The following C12orf75 variants were observed in gnomAD, a reference collection of about 807,000 sequenced individuals.
The protein encoded by C12orf75 is overexpressed in colon carcinoma 1 protein.
Under a neutral mutation model 11.4 loss-of-function variants are expected in C12orf75, and 4 were observed. The observed-to-expected ratio is 0.35, with a 90% CI of 0.17 to 0.80. C12orf75 has a LOEUF of 0.80. Among genes scored for constraint, C12orf75 ranks in the 30% least tolerant of loss-of-function variants. The probability of loss-of-function intolerance (pLI) is 0.52; values close to 1 mark genes in which losing one functional copy is unlikely to be tolerated. For synonymous variants in C12orf75, 30 were observed against 30.0 expected, an observed-to-expected ratio of 1.00 and a Z score of 0.00; for missense variants, 89 against 80.4, an observed-to-expected ratio of 1.11 and a Z score of -0.41.
rs567893864 is a variant in C12orf75, at chr12:105,342,277, G to A, written c.47-6325G>A. On this transcript the variant is annotated intron_variant, in intron 1 of 5. Coordinates refer to ENST00000443585, the MANE Select transcript of C12orf75 (RefSeq NM_001145199.2). The stretch of plus-strand genomic sequence containing the variant: ...GTGTTTAATCATAAATAAACTGGGG[G>A]ACGAATGGAATGGGTTGGTTATTGA... Among the ~76,000 whole-genome samples, 3 of 152,080 alleles carry A rather than the reference G, an allele frequency of 2.0e-5. No homozygotes were observed. The East Asian group carries it at 5.8e-4, about 29-fold the overall frequency.
intron 1 of C12orf75, among the ~76,000 whole-genome samples, chr12:105,342,591 A>G (rs1000498995): frequency 5.9e-5 from 9 of 152,212 alleles, no homozygotes; most frequent in East Asian, 1.9e-4. Context: ...GATTAACTCA[A>G]TCTCCAGCCT....
intron 2 of C12orf75, among the ~76,000 whole-genome samples, chr12:105,364,178 C>G (rs941570134): frequency 7.9e-5 from 12 of 152,196 alleles, no homozygotes; most frequent in Admixed American, 4.6e-4. Context: ...CTTATCAGAA[C>G]TTACCTTGAA....
intron 2 of C12orf75, among the ~76,000 whole-genome samples, chr12:105,364,610 T>C (rs748082891): frequency 2.0e-5 from 3 of 152,194 alleles, no homozygotes; most frequent in Non-Finnish European, 2.9e-5. Flanking sequence ...AGTTAGACAA[T>C]CTCTGAATCA....
intron 2 of C12orf75, among the ~76,000 whole-genome samples, chr12:105,354,567 T>A (rs1267822228): frequency 2.6e-5 from 4 of 152,180 alleles, no homozygotes; most frequent in African/African-American, 9.6e-5. Context: ...TTGCCCCCGG[T>A]GAATGACAGC....
intron 1 of C12orf75, among the ~76,000 whole-genome samples, chr12:105,333,374 A>G (rs536917552): frequency 3.9e-5 from 6 of 152,378 alleles, no homozygotes; most frequent in African/African-American, 1.4e-4. Flanking sequence ...CGTCAATTGC[A>G]CTGTTGACCA....
At chr12:105,345,841 T>A (rs1418835351) in intron 1 of C12orf75, among the ~76,000 whole-genome samples, 1 of 151,610 alleles carries the variant, frequency 6.6e-6, no homozygotes, top group African/African-American at 2.4e-5. Flanking sequence ...GTATTTTTTT[T>A]TTAGTAGAGA....
intron 1 of C12orf75, among the ~76,000 whole-genome samples, chr12:105,335,369 A>G (rs1398364107): frequency 6.6e-6 from 1 of 152,246 alleles, no homozygotes; most frequent in Non-Finnish European, 1.5e-5. Flanking sequence ...TCTGTTTAGC[A>G]ATAGTGCAAG....
intron 1 of C12orf75, among the ~76,000 whole-genome samples, chr12:105,334,788 C>T (rs1892480196): frequency 6.6e-6 from 1 of 152,214 alleles, no homozygotes; most frequent in Non-Finnish European, 1.5e-5. Context: ...AATGACCAAC[C>T]TTGCATTCTG....
At chr12:105,334,696 C>G (rs559296941) in intron 1 of C12orf75, among the ~76,000 whole-genome samples, 2 of 152,202 alleles carry the variant, frequency 1.3e-5, no homozygotes, top group Admixed American at 6.5e-5. Flanking sequence ...TTTGCACTCT[C>G]GCTCACTCTC....
intron 2 of C12orf75, among the ~76,000 whole-genome samples, chr12:105,350,103 C>T (rs1047223249): frequency 1.3e-5 from 2 of 152,192 alleles, no homozygotes; most frequent in Non-Finnish European, 2.9e-5. Context: ...TGCACCCTGA[C>T]CGTATTCCTA....
At chr12:105,344,348 T>G (rs1209137986) in intron 1 of C12orf75, among the ~76,000 whole-genome samples, 1 of 152,196 alleles carries the variant, frequency 6.6e-6, no homozygotes, top group Non-Finnish European at 1.5e-5. Flanking sequence ...TCCACACTGT[T>G]CTTACCCCAT....
intron 2 of C12orf75, among the ~76,000 whole-genome samples, chr12:105,355,551 G>T (rs1228055372): frequency 6.6e-6 from 1 of 152,154 alleles, no homozygotes; most frequent in Non-Finnish European, 1.5e-5. Flanking sequence ...TTGGTGCTCT[G>T]GGGACAGTTA....
chr12:105,355,477 G>A (rs1416025568), intron 2 of C12orf75, among the ~76,000 whole-genome samples: 1 of 152,148 alleles, frequency 6.6e-6, no homozygotes, highest in Non-Finnish European at 1.5e-5. Flanking sequence ...CATTTTCATG[G>A]AGTTTTAAAT....
Position 105,355,171 on chromosome 12 carries a change from TTTCTTTTTC to T in C12orf75, c.71+6548_71+6556del, listed in dbSNP as rs1448440166. On this transcript the variant is annotated intron_variant, in intron 2 of 5. Transcript: ENST00000443585. Reference sequence around the variant, plus strand: ...TGGTTTTCACGAATTTCTTTTTCTTTTTCTTTTTCTTTTTTTTTTTCAGAGTTTTGCTCT... The same window carrying T: ...TGGTTTTCACGAATTTCTTTTTCTTTTTTTTTTTTTTCAGAGTTTTGCTCT... 1.0e-3 allele frequency among the ~76,000 whole-genome samples: 47 copies of T among 46,776 alleles called. No homozygotes were observed. The East Asian group carries it at 0.016, about 16-fold the overall frequency. The allele number at this position is 46,776 out of a possible 152,430, so 30.7% of individuals were successfully genotyped here.
intron 3 of C12orf75, 27 bp downstream of exon 3, chr12:105,365,869 A>G (rs1441669930): frequency 2.0e-6 from 3 of 1,499,974 alleles, no homozygotes; most frequent in Non-Finnish European, 2.7e-6. Flanking sequence ...AGCTGGCTTT[A>G]GTTTGAATGG....
chr12:105,359,528 T>TG (rs1377671844), intron 2 of C12orf75, among the ~76,000 whole-genome samples: 6 of 152,088 alleles, frequency 3.9e-5, no homozygotes, highest in Admixed American at 3.3e-4. Context: ...CTCAGCACTT[T>TG]GGGAGGGCAA....
At chr12:105,338,722 A>C (rs1480411895) in intron 1 of C12orf75, among the ~76,000 whole-genome samples, 1 of 148,820 alleles carries the variant, frequency 6.7e-6, no homozygotes, top group African/African-American at 2.4e-5. Context: ...GAGTGGAAGC[A>C]GTAGAGAGAA....
At chr12:105,334,521 A>G (rs976290102) in intron 1 of C12orf75, among the ~76,000 whole-genome samples, 30 of 152,218 alleles carry the variant, frequency 2.0e-4, no homozygotes, top group African/African-American at 6.0e-4. Context: ...TTTTGATATC[A>G]TCACTCTCTC....
At chr12:105,366,254 C>G (rs182027854) in intron 3 of C12orf75, 4 of 269,112 alleles carry the variant, frequency 1.5e-5, no homozygotes, top group Admixed American at 1.5e-4. Flanking sequence ...TCCATAATGC[C>G]TAATATCATA....
Sources: allele counts gnomAD v4.1 joint callset (sites outside exome capture counted in the v4.1 genomes callset), GRCh38; gene constraint gnomAD v4.1.1; transcripts MANE v1.5; gene names NCBI Gene and HGNC (gene_info 2026-07-23, HGNC 2026-07-21).